The following WWOX variants were observed in gnomAD, a reference collection of about 807,000 sequenced individuals.
WWOX encodes WW domain-containing oxidoreductase.
A neutral mutation model predicts 46.2 loss-of-function variants in WWOX; 69 were observed. That is an observed-to-expected ratio of 1.49 (90% CI 1.23 to 1.82). WWOX has a LOEUF of 1.82. Among genes scored for constraint, WWOX ranks in the 40% most tolerant of loss-of-function variants. WWOX has a pLI of 0.00. For synonymous variants in WWOX, 359 were observed against 202.6 expected (o/e 1.77, Z -6.56); for missense variants, 919 against 542.6 (o/e 1.69, Z -6.89).
intron 5 of WWOX, among the ~76,000 whole-genome samples, chr16:78,360,262 A>G (rs1458923073): frequency 6.6e-6 from 1 of 152,128 alleles, no homozygotes; most frequent in African/African-American, 2.4e-5. Flanking sequence ...GTCAATTTTT[A>G]TTTTGAACTA....
intron 8 of WWOX, among the ~76,000 whole-genome samples, chr16:78,638,137 C>A (rs992761704): frequency 6.6e-6 from 1 of 152,122 alleles, no homozygotes; most frequent in African/African-American, 2.4e-5. Flanking sequence ...CAGGCACTAC[C>A]CTCAACACTG....
chr16:79,182,653 C>T (rs370988372), intron 8 of WWOX, among the ~76,000 whole-genome samples: 5 of 152,276 alleles, frequency 3.3e-5, no homozygotes, highest in East Asian at 3.9e-4. Flanking sequence ...CTGACCCCTC[C>T]TCTTGCAAGC....
intron 8 of WWOX, among the ~76,000 whole-genome samples, chr16:78,628,696 C>T (rs755866656): frequency 1.2e-4 from 18 of 151,970 alleles, no homozygotes; most frequent in Non-Finnish European, 1.8e-4. Flanking sequence ...TTGTGAGTGA[C>T]GTGCTAGAAT....
intron 8 of WWOX, among the ~76,000 whole-genome samples, chr16:78,904,077 G>T (rs1433129604): frequency 6.6e-6 from 1 of 152,058 alleles, no homozygotes; most frequent in African/African-American, 2.4e-5. Flanking sequence ...ACGTACAAAA[G>T]GGATCAGGGT....
chr16:79,129,766 C>G (rs926684648), intron 8 of WWOX, among the ~76,000 whole-genome samples: 1 of 152,154 alleles, frequency 6.6e-6, no homozygotes, highest in Non-Finnish European at 1.5e-5. Flanking sequence ...ATTGAATTAT[C>G]TAGCTCATTC....
At chr16:78,314,688 G>GGTTTTTTTTTTT (rs1555517825) in intron 5 of WWOX, among the ~76,000 whole-genome samples, 1 of 90,486 alleles carries the variant, frequency 1.1e-5, no homozygotes, top group African/African-American at 4.9e-5. Context: ...CCCTGCAGGG[G>GGTTTTTTTTTTT]TTTTTTTTTT....
At chr16:78,620,138 G>C (rs2151642560) in intron 8 of WWOX, among the ~76,000 whole-genome samples, 1 of 152,270 alleles carries the variant, frequency 6.6e-6, no homozygotes, top group Middle Eastern at 3.4e-3. Context: ...GTACCTAGTA[G>C]CTAATGGTGA....
At chr16:78,280,487 G>C (rs1214827920) in intron 5 of WWOX, among the ~76,000 whole-genome samples, 1 of 152,198 alleles carries the variant, frequency 6.6e-6, no homozygotes, top group Non-Finnish European at 1.5e-5. Context: ...AGAAATGCTT[G>C]AGACTGGGTA....
rs1201682963 is a variant in WWOX, at chr16:78,607,641, C to CTT, written c.1056+174890_1056+174891dup. On this transcript the variant is annotated intron_variant, in intron 8 of 8. Transcript: ENST00000566780. ...GCGTAAGAGGAGTGACTCATTTGTT[C>CTT]TTCTTTTTTTTTTTTTTGGCTGTCT... Among the ~76,000 whole-genome samples the CTT allele has an allele frequency of 4.5e-5, 5 of 110,304 alleles. No homozygotes were observed. In the East Asian group the frequency reaches 1.1e-3, roughly 25 times the overall value. 72.4% of individuals were successfully genotyped at this position (110,304 alleles called of 152,430 possible).
intron 8 of WWOX, among the ~76,000 whole-genome samples, chr16:78,979,084 C>CTTTT (rs200040353): frequency 2.8e-5 from 4 of 142,154 alleles, no homozygotes; most frequent in African/African-American, 1.0e-4. Context: ...GAATTTCAGT[C>CTTTT]TTTTTTTTTT....
At chr16:78,482,226 A>T (rs2084511657) in intron 8 of WWOX, among the ~76,000 whole-genome samples, 1 of 152,218 alleles carries the variant, frequency 6.6e-6, no homozygotes, top group African/African-American at 2.4e-5. Context: ...AATGTCAAAT[A>T]ACTCCATAAT....
chr16:78,521,196 C>T (rs1017710739), intron 8 of WWOX, among the ~76,000 whole-genome samples: 16 of 152,142 alleles, frequency 1.1e-4, no homozygotes, highest in Admixed American at 8.5e-4. Flanking sequence ...ATTTTATCTT[C>T]TTGGCTCTTT....
At chr16:78,130,794 A>G (rs1487852182) in intron 4 of WWOX, among the ~76,000 whole-genome samples, 2 of 152,236 alleles carry the variant, frequency 1.3e-5, no homozygotes, top group Non-Finnish European at 1.5e-5. Flanking sequence ...CAGTGTAGAA[A>G]CAGGCAGGGT....
At chr16:78,627,990 G>A (rs919808717) in intron 8 of WWOX, among the ~76,000 whole-genome samples, 1 of 152,222 alleles carries the variant, frequency 6.6e-6, no homozygotes, top group Admixed American at 6.5e-5. Flanking sequence ...GTCCTTGGGA[G>A]AGTAGCCTCA....
At chr16:78,643,146 A>C (rs922635518) in intron 8 of WWOX, among the ~76,000 whole-genome samples, 4 of 152,198 alleles carry the variant, frequency 2.6e-5, no homozygotes, top group African/African-American at 9.6e-5. Context: ...TCCAGACCCA[A>C]GAGGATCCGA....
intron 6 of WWOX, among the ~76,000 whole-genome samples, chr16:78,415,956 C>G (rs1232520418): frequency 6.6e-6 from 1 of 152,170 alleles, no homozygotes; most frequent in Non-Finnish European, 1.5e-5. Flanking sequence ...CATGGGGCCA[C>G]TCATCAGAAA....
At chr16:79,040,123 C>G (rs1031667674) in intron 8 of WWOX, among the ~76,000 whole-genome samples, 10 of 152,086 alleles carry the variant, frequency 6.6e-5, no homozygotes, top group Admixed American at 5.9e-4. Flanking sequence ...AAGATTGGCT[C>G]ACATCAGTAA....
chr16:78,406,341 TATATATA>T (rs2082541349), intron 6 of WWOX, among the ~76,000 whole-genome samples: 1 of 106,518 alleles, frequency 9.4e-6, no homozygotes, highest in African/African-American at 5.4e-5. Context: ...TATATATATA[TATATATA>T]TATATATTTT....
chr16:78,934,926 C>T (rs933730576), intron 8 of WWOX, among the ~76,000 whole-genome samples: 2 of 152,072 alleles, frequency 1.3e-5, no homozygotes, highest in African/African-American at 2.4e-5. Context: ...ATGGTGAAAC[C>T]CCATCTCTAC....
Sources: allele counts gnomAD v4.1 joint callset (sites outside exome capture counted in the v4.1 genomes callset), GRCh38; gene constraint gnomAD v4.1.1; transcripts MANE v1.5; gene names NCBI Gene and HGNC (gene_info 2026-07-23, HGNC 2026-07-21).